The following BCAR3 variants were observed in gnomAD, a reference collection of about 807,000 sequenced individuals.
BCAR3 encodes breast cancer anti-estrogen resistance protein 3.
In BCAR3, 37 loss-of-function variants were observed where a neutral mutation model predicts 80.1. That is an observed-to-expected ratio of 0.46 (90% CI 0.36 to 0.61). The LOEUF (loss-of-function observed/expected upper bound fraction) is 0.61. Among genes scored for constraint, BCAR3 ranks in the 20% least tolerant of loss-of-function variants. The pLI is 0.00. For missense variants in BCAR3, 978 were observed against 1,068.2 expected (o/e 0.92, Z 1.18); for synonymous variants, 389 against 418.9 (o/e 0.93, Z 0.87).
intron 3 of BCAR3, among the ~76,000 whole-genome samples, chr1:93,622,193 C>T (rs542355100): frequency 2.6e-4 from 39 of 152,328 alleles, no homozygotes; most frequent in Admixed American, 7.2e-4. Flanking sequence ...GCCACCATGC[C>T]AGGCCAGGAG....
chr1:93,629,226 G>A (rs1373021673), intron 3 of BCAR3, among the ~76,000 whole-genome samples: 1 of 152,114 alleles, frequency 6.6e-6, no homozygotes, highest in Non-Finnish European at 1.5e-5. Flanking sequence ...GTTCTCTCCT[G>A]CTCCAGTCAG....
chr1:93,741,728 C>G (rs1248349305), intron 2 of BCAR3, among the ~76,000 whole-genome samples: 1 of 152,048 alleles, frequency 6.6e-6, no homozygotes, highest in Non-Finnish European at 1.5e-5. Context: ...ACCACCACAC[C>G]CAGCTAATTT....
intron 3 of BCAR3, among the ~76,000 whole-genome samples, chr1:93,695,899 T>C (rs953932704): frequency 6.6e-6 from 1 of 152,224 alleles, no homozygotes; most frequent in Non-Finnish European, 1.5e-5. Context: ...GCTACCTCTC[T>C]GACAGTTTCC....
intron 2 of BCAR3, among the ~76,000 whole-genome samples, chr1:93,660,897 ACGGAGTTT>A (rs1647618196): frequency 6.9e-6 from 1 of 144,414 alleles, no homozygotes; most frequent in Admixed American, 7.0e-5. Flanking sequence ...TTTTTTTTAG[ACGGAGTTT>A]CACTCTTGTT....
intron 3 of BCAR3, among the ~76,000 whole-genome samples, chr1:93,701,622 A>G (rs866383591): frequency 1.3e-5 from 2 of 152,182 alleles, no homozygotes; most frequent in South Asian, 4.1e-4. Context: ...GTGTGTGATG[A>G]GGGGCTGGGC....
intron 3 of BCAR3, among the ~76,000 whole-genome samples, chr1:93,624,576 T>G (rs1052481796): frequency 6.6e-6 from 1 of 152,214 alleles, no homozygotes; most frequent in African/African-American, 2.4e-5. Context: ...GGTGCCCTTG[T>G]CTGTTGGCCT....
chr1:93,737,600 T>C (rs1393168603), intron 2 of BCAR3, among the ~76,000 whole-genome samples: 1 of 152,212 alleles, frequency 6.6e-6, no homozygotes, highest in African/African-American at 2.4e-5. Context: ...TTCTGGACTT[T>C]TGGCCTCCTG....
chr1:93,713,413 C>T (rs921780663), intron 2 of BCAR3, among the ~76,000 whole-genome samples: 2 of 152,134 alleles, frequency 1.3e-5, no homozygotes, highest in Non-Finnish European at 1.5e-5. Flanking sequence ...CTTTCCTGGA[C>T]CTCTGCCTTC....
intron 2 of BCAR3, among the ~76,000 whole-genome samples, chr1:93,780,043 C>T (rs1417812407): frequency 2.6e-5 from 4 of 152,194 alleles, no homozygotes; most frequent in Non-Finnish European, 4.4e-5. Flanking sequence ...CCCCACTGCT[C>T]CTGGAATTCC....
chr1:93,783,955 C>T (rs974292456), intron 2 of BCAR3, among the ~76,000 whole-genome samples: 3 of 152,168 alleles, frequency 2.0e-5, no homozygotes, highest in African/African-American at 7.2e-5. Context: ...GTCTGGTTTT[C>T]TCTCTTGCGA....
chr1:93,654,216 T>C (rs1647257579), intron 2 of BCAR3, among the ~76,000 whole-genome samples: 1 of 151,994 alleles, frequency 6.6e-6, no homozygotes, highest in Non-Finnish European at 1.5e-5. Flanking sequence ...AGGGATTTTG[T>C]AGATGGAATT....
At chr1:93,582,218 A>G in intron 7 of BCAR3, 83 bp downstream of exon 7, 1 of 1,509,630 alleles carries the variant, frequency 6.6e-7, no homozygotes, top group Non-Finnish European at 8.9e-7. Flanking sequence ...TTCCAAACCT[A>G]CAAAAGCCAG....
chr1:93,788,242 G>A (rs951275767), intron 2 of BCAR3, among the ~76,000 whole-genome samples: 1 of 152,142 alleles, frequency 6.6e-6, no homozygotes, highest in African/African-American at 2.4e-5. Flanking sequence ...ATCCTTGGTT[G>A]ATGAAGTTTT....
At chr1:93,688,844 C>T (rs770467269) in intron 3 of BCAR3, among the ~76,000 whole-genome samples, 1 of 152,010 alleles carries the variant, frequency 6.6e-6, no homozygotes, top group Non-Finnish European at 1.5e-5. Flanking sequence ...ACCACGTTGG[C>T]CAGGCTGCTC....
chr1:93,813,600 T>C (rs772411317), intron 2 of BCAR3, among the ~76,000 whole-genome samples: 10 of 152,228 alleles, frequency 6.6e-5, no homozygotes, highest in Non-Finnish European at 1.2e-4. Flanking sequence ...TGTGGCCTTA[T>C]TACTATCTCT....
At chr1:93,647,778 AAT>A (rs1676187055) in intron 2 of BCAR3, among the ~76,000 whole-genome samples, 1 of 151,886 alleles carries the variant, frequency 6.6e-6, no homozygotes, top group Non-Finnish European at 1.5e-5. Flanking sequence ...GTTTTCTTGA[AAT>A]ATGTTTTTTT....
chr1:93,832,968 C>T (rs1217808727), intron 2 of BCAR3, among the ~76,000 whole-genome samples: 3 of 152,088 alleles, frequency 2.0e-5, no homozygotes, highest in Non-Finnish European at 4.4e-5. Context: ...CACCTCTACT[C>T]CCTCCTTGGT....
chr1:93,674,921 CT>C lies in BCAR3; in HGVS notation c.9del (p.Gly4GlufsTer12). The part of the protein sequence containing the change: MA[A>X]GKFASLPRNM... ...TTTCTGGGAAGGCTTGCAAATTTTC[CT>C]GCAGCCATAATTCTCAACTCTAAGG... On this transcript the variant is annotated frameshift_variant, in exon 2 of 12. Coordinates refer to ENST00000260502, the MANE Select transcript of BCAR3 (RefSeq NM_003567.4). LOFTEE classifies it high-confidence loss of function. 1 of 1,555,244 alleles carries C rather than the reference CT, an allele frequency of 6.4e-7. No individual in the cohort carries two copies. The highest frequency in any genetic ancestry group is 8.6e-7 in the Non-Finnish European group (1 of 1,157,660).
intron 7 of BCAR3, 110 bp downstream of exon 7, chr1:93,582,191 C>T (rs1673734348): frequency 1.5e-6 from 2 of 1,376,140 alleles, no homozygotes; most frequent in South Asian, 2.8e-5. Flanking sequence ...CAGAGTGAGG[C>T]CAGATGGATC....
Sources: gnomAD v4.1 joint callset for allele counts (sites outside exome capture counted in the v4.1 genomes callset) on GRCh38, gnomAD v4.1.1 for gene constraint, MANE v1.5 for transcripts, NCBI Gene and HGNC (gene_info 2026-07-23, HGNC 2026-07-21) for gene names.